Variants in NRXN3 observed in about 807,000 individuals in gnomAD.
NRXN3 encodes the protein neurexin 3.
Under a neutral mutation model 137.6 loss-of-function variants are expected in NRXN3, and 32 were observed. That is an observed-to-expected ratio of 0.23 (90% confidence interval 0.18 to 0.31). The LOEUF (loss-of-function observed/expected upper bound fraction) is 0.31, where lower values mean the gene tolerates loss of function less well. Among genes scored for constraint, NRXN3 ranks in the 10% least tolerant of loss-of-function variants. The pLI, the probability that NRXN3 is intolerant of heterozygous loss-of-function variation, is 1.00. For synonymous variants in NRXN3, 798 were observed against 784.5 expected (o/e 1.02, Z -0.29); for missense variants, 1,574 against 2,062.5 (o/e 0.76, Z 4.59).
chr14:78,445,282 T>A (rs761128834), intron 4 of NRXN3, among the ~76,000 whole-genome samples: 1 of 152,334 alleles, frequency 6.6e-6, no homozygotes, highest in Non-Finnish European at 1.5e-5. Context: ...TAGTTCTTGA[T>A]CTACTAGCTC....
At chr14:79,578,653 C>A (rs1317604687) in intron 16 of NRXN3, among the ~76,000 whole-genome samples, 15 of 152,162 alleles carry the variant, frequency 9.9e-5, no homozygotes, top group Admixed American at 9.8e-4. Context: ...CCAGACCATT[C>A]CCTGGGCAAG....
intron 4 of NRXN3, among the ~76,000 whole-genome samples, chr14:78,636,196 A>G (rs2097565389): frequency 6.6e-6 from 1 of 152,178 alleles, no homozygotes; most frequent in Non-Finnish European, 1.5e-5. Context: ...TTGCTGGTAG[A>G]GTTAGAGCAT....
chr14:79,152,612 T>C (rs1361862238), intron 15 of NRXN3, among the ~76,000 whole-genome samples: 2 of 152,014 alleles, frequency 1.3e-5, no homozygotes, highest in Non-Finnish European at 2.9e-5. Context: ...ATGTCTTACA[T>C]AGCAGCAGGC....
At chr14:79,501,339 C>T (rs1601300031) in intron 16 of NRXN3, among the ~76,000 whole-genome samples, 1 of 152,198 alleles carries the variant, frequency 6.6e-6, no homozygotes, top group East Asian at 1.9e-4. Flanking sequence ...GTGAGGTATT[C>T]TGTGATGAAG....
At chr14:79,522,312 G>A (rs2097074266) in intron 16 of NRXN3, among the ~76,000 whole-genome samples, 1 of 152,056 alleles carries the variant, frequency 6.6e-6, no homozygotes, top group Admixed American at 6.6e-5. Context: ...AGCAAGAAAG[G>A]GATATCCGGT....
intron 10 of NRXN3, among the ~76,000 whole-genome samples, chr14:78,835,494 T>C (rs2098994088): frequency 6.6e-6 from 1 of 152,172 alleles, no homozygotes; most frequent in South Asian, 2.1e-4. Flanking sequence ...GGCATCTGTG[T>C]TCTTTGTACA....
intron 15 of NRXN3, among the ~76,000 whole-genome samples, chr14:79,443,727 A>G (rs1393481095): frequency 6.6e-6 from 1 of 152,156 alleles, no homozygotes; most frequent in Non-Finnish European, 1.5e-5. Flanking sequence ...GTCCTGTCCT[A>G]TTTATTATCC....
chr14:79,409,882 A>C (rs2095388798), intron 15 of NRXN3, among the ~76,000 whole-genome samples: 2 of 151,748 alleles, frequency 1.3e-5, no homozygotes, highest in Non-Finnish European at 2.9e-5. Flanking sequence ...TCTCATATTA[A>C]GCATGGACAT....
chr14:79,314,089 G>A (rs9671349), intron 15 of NRXN3: 222 of 155,758 alleles, frequency 1.4e-3, no homozygotes, highest in Non-Finnish European at 2.2e-3. Context: ...GAACAGCTCC[G>A]GTCTACAGCT....
chr14:79,246,908 A>C (rs2075267507), intron 15 of NRXN3, among the ~76,000 whole-genome samples: 2 of 152,156 alleles, frequency 1.3e-5, no homozygotes, highest in Admixed American at 1.3e-4. Context: ...AGTGATTATT[A>C]GTGATTGTTT....
chr14:78,279,501 AG>A (rs1459245192), intron 3 of NRXN3: 8 of 152,352 alleles, frequency 5.3e-5, no homozygotes, highest in African/African-American at 1.7e-4. Context: ...GCATCATTTC[AG>A]GTGTTTTCAC....
intron 15 of NRXN3, among the ~76,000 whole-genome samples, chr14:79,067,874 A>C (rs1271672174): frequency 6.6e-6 from 1 of 152,038 alleles, no homozygotes; most frequent in Non-Finnish European, 1.5e-5. Context: ...TTGACCCTTA[A>C]CATGAAGTGA....
chr14:78,301,558 A>T (rs2076878873), intron 4 of NRXN3, among the ~76,000 whole-genome samples: 1 of 152,204 alleles, frequency 6.6e-6, no homozygotes, highest in Non-Finnish European at 1.5e-5. Flanking sequence ...TTAATTGATA[A>T]ATTATAAATA....
At chr14:79,514,210 A>G (rs73341451) in intron 16 of NRXN3, among the ~76,000 whole-genome samples, 5,704 of 144,232 alleles carry the variant, frequency 0.04, 343 homozygotes, top group East Asian at 0.17. Flanking sequence ...CCACCATAGC[A>G]TTTCTGCTTT....
At chr14:79,339,164 T>A (rs2092455580) in intron 15 of NRXN3, among the ~76,000 whole-genome samples, 1 of 152,060 alleles carries the variant, frequency 6.6e-6, no homozygotes, top group Non-Finnish European at 1.5e-5. Context: ...CAGTAACAGC[T>A]TTTCTCTGGC....
At chr14:79,797,246 C>T (rs78103097) in intron 19 of NRXN3, among the ~76,000 whole-genome samples, 276 of 152,224 alleles carry the variant, frequency 1.8e-3, no homozygotes, top group African/African-American at 6.5e-3. Context: ...TTAAAGCTAT[C>T]TCATTTCATG....
At chr14:79,592,067 G>T (rs1417272874) in intron 16 of NRXN3, among the ~76,000 whole-genome samples, 1 of 152,110 alleles carries the variant, frequency 6.6e-6, no homozygotes, top group Non-Finnish European at 1.5e-5. Flanking sequence ...CCCTGTAAAA[G>T]TTACCTCATG....
At chr14:79,307,957 G>A (rs906409029) in intron 15 of NRXN3, among the ~76,000 whole-genome samples, 2 of 152,028 alleles carry the variant, frequency 1.3e-5, no homozygotes, top group Admixed American at 1.3e-4. Context: ...GTGTCATGGA[G>A]CATTGTTTTC....
chr14:78,235,473 C>G (rs1338242713), intron 1 of NRXN3, among the ~76,000 whole-genome samples: 1 of 152,002 alleles, frequency 6.6e-6, no homozygotes, highest in Non-Finnish European at 1.5e-5. Context: ...ATGAGAAGAT[C>G]TGCTGAAGTC....
Sources: allele counts gnomAD v4.1 joint callset (sites outside exome capture counted in the v4.1 genomes callset), GRCh38; gene constraint gnomAD v4.1.1; transcripts MANE v1.5; gene names NCBI Gene and HGNC (gene_info 2026-07-23, HGNC 2026-07-21).